Variants in PLEKHA2 observed in about 807,000 individuals in gnomAD.
PLEKHA2 encodes the protein pleckstrin homology domain-containing family A member 2.
In PLEKHA2, 28 loss-of-function variants were observed where a neutral mutation model predicts 53.2. That is an observed-to-expected ratio of 0.53 (90% CI 0.39 to 0.72). The LOEUF is 0.72. PLEKHA2 is among the 30% of genes least tolerant of loss of function. The pLI is 0.00. For missense variants in PLEKHA2, 426 were observed against 537.9 expected (o/e 0.79, Z 2.06); for synonymous variants, 193 against 196.4 (o/e 0.98, Z 0.14).
chr8:38,922,285 G>C lies in PLEKHA2; in HGVS notation c.141+4215G>C, dbSNP rs917621107. 6.6e-6 allele frequency among the ~76,000 whole-genome samples: 1 copy of C among 152,190 alleles called. No homozygotes were observed. Among genetic ancestry groups the C allele is most frequent in the African/African-American group, 2.4e-5 (1 of 41,444 alleles). ...GGAGGTCCTAGAAGGTAGGGCACTC[G>C]TGTGGCTTAGTTTTTTATCATAGTG... On this transcript the variant is annotated intron_variant, in intron 2 of 11. Coordinates refer to ENST00000617275, the MANE Select transcript of PLEKHA2 (RefSeq NM_021623.2). This position sits in a 1 kb window ranked among gnomAD's most constrained non-coding sequence, Gnocchi z 4.0.
chr8:38,920,040 C>A (rs1447489617), intron 2 of PLEKHA2, among the ~76,000 whole-genome samples: 1 of 151,888 alleles, frequency 6.6e-6, no homozygotes, highest in African/African-American at 2.4e-5. Flanking sequence ...GGCATGATCT[C>A]GGCTCACTGC....
intron 4 of PLEKHA2, 23 bp downstream of exon 4, chr8:38,943,860 G>T: frequency 6.4e-7 from 1 of 1,556,802 alleles, no homozygotes; most frequent in South Asian, 1.2e-5. Flanking sequence ...CCAGGGGAGG[G>T]ACTCATTTAA....
intron 3 of PLEKHA2, among the ~76,000 whole-genome samples, chr8:38,940,784 T>G (rs1236093562): frequency 1.3e-5 from 2 of 152,038 alleles, no homozygotes; most frequent in Non-Finnish European, 2.9e-5. Context: ...GAACTTGGGA[T>G]AAGCGGGTTT....
chr8:38,951,055 A>T, intron 6 of PLEKHA2, 65 bp downstream of exon 6: 1 of 917,684 alleles, frequency 1.1e-6, no homozygotes, highest in Non-Finnish European at 1.5e-6. Flanking sequence ...TGTGCCCATG[A>T]TGTGCTCGGA....
intron 1 of PLEKHA2, among the ~76,000 whole-genome samples, chr8:38,913,130 G>A (rs1452054915): frequency 6.6e-6 from 1 of 152,174 alleles, no homozygotes; most frequent in Non-Finnish European, 1.5e-5. Flanking sequence ...TTGGGAGGCC[G>A]AGGCTGGTGG....
intron 9 of PLEKHA2, among the ~76,000 whole-genome samples, chr8:38,954,670 T>C (rs1266275565): frequency 6.6e-6 from 1 of 152,154 alleles, no homozygotes; most frequent in African/African-American, 2.4e-5. Context: ...TTTTAGGATA[T>C]CTTGATAATC....
At chr8:38,904,642 T>G (rs1833843201) in intron 1 of PLEKHA2, among the ~76,000 whole-genome samples, 1 of 152,200 alleles carries the variant, frequency 6.6e-6, no homozygotes, top group African/African-American at 2.4e-5. Context: ...GTTTTAAACC[T>G]CCTGGAGAAT....
At chr8:38,909,959 C>CTTT (rs71216695) in intron 1 of PLEKHA2, among the ~76,000 whole-genome samples, 8 of 141,542 alleles carry the variant, frequency 5.7e-5, no homozygotes, top group East Asian at 2.0e-4. Context: ...CATTAAAATA[C>CTTT]TTTTTTTTTT....
chr8:38,910,479 A>T (rs1833939471), intron 1 of PLEKHA2, among the ~76,000 whole-genome samples: 1 of 152,232 alleles, frequency 6.6e-6, no homozygotes, highest in Non-Finnish European at 1.5e-5. Context: ...AAACATTTAA[A>T]AAACATTCAA....
At chr8:38,953,758 C>A (rs929221941) in intron 9 of PLEKHA2, among the ~76,000 whole-genome samples, 15 of 152,238 alleles carry the variant, frequency 9.9e-5, no homozygotes, top group Non-Finnish European at 1.6e-4. Context: ...TGCTTCTGGT[C>A]AGATCACTGT....
In PLEKHA2 at chr8:38,952,176, A is replaced by G. The variant is rs1588269497; in HGVS notation, c.497A>G (p.Asp166Gly). ...ACTGTTTCCTTGCAGAACGGTGGGG[A>G]TGGGCAGGAAGGGAGTGAGCCCGGG... The part of the protein sequence containing the change: ...VHTPISQNGG[D>G]GQEGSEPGSH... The change falls in exon 7 of 12, where the codon GAT becomes GGT. Residue 166 changes from aspartate (D) to glycine (G), a missense_variant. By Grantham distance (94) the Asp-to-Gly change is moderately conservative. Transcript: ENST00000617275. The G allele has an allele frequency of 6.2e-7, 1 of 1,612,922 alleles. No homozygotes were observed. Among genetic ancestry groups the G allele is most frequent in the Admixed American group, 1.7e-5 (1 of 59,912 alleles).
intron 1 of PLEKHA2, among the ~76,000 whole-genome samples, chr8:38,917,393 A>G (rs1452966219): frequency 6.6e-6 from 1 of 152,132 alleles, no homozygotes; most frequent in African/African-American, 2.4e-5. Flanking sequence ...CCTTTCTGAG[A>G]TCATTTCTTC....
intron 3 of PLEKHA2, 63 bp downstream of exon 3, chr8:38,936,113 G>C: frequency 6.5e-7 from 1 of 1,542,774 alleles, no homozygotes; most frequent in Non-Finnish European, 9.0e-7. Context: ...TCTAAGCAAG[G>C]GGAAGTGTCC....
chr8:38,931,235 G>A (rs1834387608), intron 2 of PLEKHA2, among the ~76,000 whole-genome samples: 1 of 152,130 alleles, frequency 6.6e-6, no homozygotes, highest in Non-Finnish European at 1.5e-5. Context: ...CCGAGATCAT[G>A]CCACTGCATA....
chr8:38,970,248 T>G lies in PLEKHA2; in HGVS notation c.*465T>G, dbSNP rs2129425729. The G allele has an allele frequency of 2.5e-6, 1 of 407,926 alleles. No individual in the cohort carries two copies. Among genetic ancestry groups the G allele is most frequent in the South Asian group, 1.0e-4 (1 of 10,014 alleles). 25.3% of individuals were successfully genotyped at this position (407,926 alleles called of 1,614,324 possible). ...GGAATGGGCCAGCATTAGTCTAATT[T>G]TAAGCGCTATGTGTTTTGTACCCTT... is the stretch of plus-strand genomic sequence containing the variant. On this transcript the variant is annotated 3_prime_UTR_variant, in exon 12 of 12. Transcript: ENST00000617275.
chr8:38,905,119 C>T (rs1833850223), intron 1 of PLEKHA2, among the ~76,000 whole-genome samples: 1 of 152,152 alleles, frequency 6.6e-6, no homozygotes, highest in African/African-American at 2.4e-5. Flanking sequence ...CTGAAATCAG[C>T]ACACCCTTTT....
Position 38,918,077 on chromosome 8 carries a change from G to C in PLEKHA2, c.141+7G>C. Reference sequence around the variant, plus strand: ...GTATATGGACAACCCCCAGGTGAGAGGGTCAGTGGGAAGGGGTGGGGCGAC... The same window carrying C: ...GTATATGGACAACCCCCAGGTGAGACGGTCAGTGGGAAGGGGTGGGGCGAC... On this transcript the variant is annotated splice_region_variant and intron_variant, in intron 2 of 11. Transcript: ENST00000617275. 6.2e-7 allele frequency: 1 copy of C among 1,611,622 alleles called. No individual in the cohort carries two copies.
chr8:38,910,854 G>A (rs191666007), intron 1 of PLEKHA2, among the ~76,000 whole-genome samples: 116 of 152,252 alleles, frequency 7.6e-4, no homozygotes, highest in Non-Finnish European at 1.4e-3. Context: ...CATTAGAAAC[G>A]ATTATAAAGA....
intron 1 of PLEKHA2, among the ~76,000 whole-genome samples, chr8:38,905,829 C>T (rs981427144): frequency 4.6e-5 from 7 of 151,914 alleles, no homozygotes; most frequent in Admixed American, 1.3e-4. Flanking sequence ...GGTCTACAGG[C>T]GCATGCCACC....
Sources: gnomAD v4.1 joint callset for allele counts (sites outside exome capture counted in the v4.1 genomes callset) on GRCh38, gnomAD v4.1.1 for gene constraint, Gnocchi (gnomAD v3.1) non-coding constraint, MANE v1.5 for transcripts, NCBI Gene and HGNC (gene_info 2026-07-23, HGNC 2026-07-21) for gene names.